Variants in CNDP2 observed in about 807,000 individuals in gnomAD.
CNDP2 encodes carnosine dipeptidase 2.
In CNDP2, 38 loss-of-function variants were observed where a neutral mutation model predicts 55.0. The observed-to-expected ratio is 0.69, with a 90% CI of 0.53 to 0.90. CNDP2 has a LOEUF of 0.90. CNDP2 is among the 40% of genes least tolerant of loss of function. The pLI, the probability that CNDP2 is intolerant of heterozygous loss-of-function variation, is 0.00. For synonymous variants in CNDP2, 241 were observed against 260.2 expected, an observed-to-expected ratio of 0.93 and a Z score of 0.71; for missense variants, 607 against 621.7, an observed-to-expected ratio of 0.98 and a Z score of 0.25.
chr18:74,518,428 G>A (rs1051357342), intron 9 of CNDP2, 71 bp from the exon 10 acceptor site: 71 of 1,582,308 alleles, frequency 4.5e-5, no homozygotes, highest in Middle Eastern at 3.3e-4. Flanking sequence ...TAGCAGACCC[G>A]TAGGTCACTA....
Position 74,522,138 on chromosome 18 carries a change from G to A in CNDP2, c.*2070G>A, listed in dbSNP as rs761448656. 3.3e-5 allele frequency: 5 copies of A among 152,248 alleles called. No homozygotes were observed. Among genetic ancestry groups the A allele is most frequent in the Non-Finnish European group, 7.3e-5 (5 of 68,046 alleles). The allele number at this position is 152,248 out of a possible 1,614,324, so 9.4% of individuals were successfully genotyped here. On this transcript the variant is annotated 3_prime_UTR_variant, in exon 12 of 12. Transcript: ENST00000324262. ...CTGCATAAGAGGTTAGCTGGGTGAA[G>A]TGTATCTGGGGACCCTCTATGGCTT...
intron 3 of CNDP2, 148 bp downstream of exon 3, chr18:74,501,620 A>G (rs1978706043): frequency 9.4e-7 from 1 of 1,061,300 alleles, no homozygotes; most frequent in Non-Finnish European, 1.3e-6. Flanking sequence ...TTTGGATGGT[A>G]AGTTCTGTAC....
chr18:74,499,590 A>C, intron 1 of CNDP2: 2 of 201,376 alleles, frequency 9.9e-6, no homozygotes, highest in Non-Finnish European at 1.0e-5. Flanking sequence ...TTAAGAGTGT[A>C]AAAATTTTTA....
intron 1 of CNDP2, among the ~76,000 whole-genome samples, 151 bp downstream of exon 1, chr18:74,496,582 T>C (rs2144562378): frequency 6.6e-6 from 1 of 152,246 alleles, no homozygotes; most frequent in Non-Finnish European, 1.5e-5. Context: ...AACAATGGTG[T>C]CCGGGCTGTT....
chr18:74,519,885 G>A (rs1355742238), intron 11 of CNDP2, 114 bp from the exon 12 acceptor site: 4 of 900,958 alleles, frequency 4.4e-6, no homozygotes, highest in East Asian at 2.7e-5. Context: ...AGCTGGGATG[G>A]GGGATGCTCC....
At chr18:74,506,346 G>A (rs531612125) in intron 4 of CNDP2, among the ~76,000 whole-genome samples, 126 of 152,078 alleles carry the variant, frequency 8.3e-4, no homozygotes, top group Non-Finnish European at 1.6e-3. Context: ...TGCTGGCCAG[G>A]CTGGTCTTGA....
At chr18:74,510,087 G>A (rs1402409923) in intron 5 of CNDP2, among the ~76,000 whole-genome samples, 1 of 152,242 alleles carries the variant, frequency 6.6e-6, no homozygotes, top group Non-Finnish European at 1.5e-5. Flanking sequence ...GCAACCAAGT[G>A]TGACAGGTGG....
intron 6 of CNDP2, chr18:74,511,336 A>C: frequency 3.4e-6 from 1 of 297,060 alleles, no homozygotes; most frequent in South Asian, 7.2e-5. Flanking sequence ...TTTTAGAAAC[A>C]CTTCCTTTTG....
chr18:74,516,018 GGT>G (rs2144610057), intron 8 of CNDP2, among the ~76,000 whole-genome samples: 1 of 152,342 alleles, frequency 6.6e-6, no homozygotes, highest in East Asian at 1.9e-4. Context: ...CTCACCTGAG[GGT>G]GTGCAGCCTG....
chr18:74,512,306 C>A, intron 6 of CNDP2, 142 bp from the exon 7 acceptor site: 1 of 651,640 alleles, frequency 1.5e-6, no homozygotes, highest in Non-Finnish European at 2.6e-6. Context: ...TTGGGAAATG[C>A]CTTGCTTTGC....
At position 74,516,337 on chromosome 18, in the gene CNDP2, G is replaced by T; in HGVS notation, c.1013G>T (p.Gly338Val). 1.9e-6 allele frequency: 3 copies of T among 1,614,096 alleles called. No individual in the cohort carries two copies. Among genetic ancestry groups the T allele is most frequent in the Non-Finnish European group, 2.5e-6 (3 of 1,179,994 alleles). Residue 338 changes from glycine (G) to valine (V), a missense_variant, in exon 9 of 12, where the codon GGC (glycine) becomes GTC (valine). Physicochemically the swap from Gly to Val is moderately radical, Grantham distance 109. Coordinates refer to ENST00000324262, the MANE Select transcript of CNDP2 (RefSeq NM_018235.3). ...ACCGTGATTCCCAGGAAGGTGGTTG[G>T]CAAGTTCTCCATCAGGCTCGTGCCG... ...AKTVIPRKVV[G>V]KFSIRLVPNM...
At chr18:74,518,454 C>T (rs751021642) in intron 9 of CNDP2, 45 bp from the exon 10 acceptor site, 1 of 1,609,918 alleles carries the variant, frequency 6.2e-7, no homozygotes, top group Non-Finnish European at 8.5e-7. Flanking sequence ...GGATCAAATG[C>T]AAGCTTATAA....
At chr18:74,501,253 TGGCAAC>T (rs1568276784) in intron 2 of CNDP2, 70 bp from the exon 3 acceptor site, 1 of 1,539,462 alleles carries the variant, frequency 6.5e-7, no homozygotes, top group Non-Finnish European at 8.8e-7. Flanking sequence ...GCCTGGAATG[TGGCAAC>T]GTTACGGGAG....
Position 74,518,941 on chromosome 18 carries a change from C to CA in CNDP2, c.1211-8_1211-7insA, listed in dbSNP as rs1979886267. 6.8e-7 allele frequency: 1 copy of CA among 1,475,758 alleles called. No individual in the cohort carries two copies. Among genetic ancestry groups the CA allele is most frequent in the Non-Finnish European group, 9.0e-7 (1 of 1,116,664 alleles). 91.4% of individuals were successfully genotyped at this position (1,475,758 alleles called of 1,614,324 possible). On this transcript the variant is annotated splice_region_variant and splice_polypyrimidine_tract_variant and intron_variant, in intron 10 of 11. Transcript: ENST00000324262. ...GCTCACCGTTTATTTTATTTCATTT[C>CA]CCCCCAGTTTTTGGTGTTGAGCCAG... is the stretch of plus-strand genomic sequence containing the variant.
intron 8 of CNDP2, among the ~76,000 whole-genome samples, chr18:74,514,180 G>C (rs569061956): frequency 6.6e-6 from 1 of 152,102 alleles, no homozygotes; most frequent in Non-Finnish European, 1.5e-5. Context: ...AGGGTTATGC[G>C]GTATAGATGT....
intron 8 of CNDP2, 36 bp downstream of exon 8, chr18:74,513,755 G>C: frequency 3.1e-6 from 5 of 1,599,394 alleles, no homozygotes; most frequent in Non-Finnish European, 3.4e-6. Context: ...ACCTGCCCAG[G>C]CCACGCTGTG....
chr18:74,516,496 C>T (rs368195115), intron 9 of CNDP2, 104 bp downstream of exon 9: 5 of 1,159,584 alleles, frequency 4.3e-6, no homozygotes, highest in Non-Finnish European at 5.9e-6. Flanking sequence ...GCCATGCATG[C>T]CCCCGCTTCC....
At chr18:74,518,750 GGGGGCGTGTAGTTAA>G in intron 10 of CNDP2, 110 bp downstream of exon 10, 1 of 1,492,382 alleles carries the variant, frequency 6.7e-7, no homozygotes, top group Non-Finnish European at 9.2e-7. Flanking sequence ...GCTGTATCGT[GGGGGCGTGTAGTTAA>G]GTCAGCATGA....
chr18:74,497,159 C>A (rs1313214791), intron 1 of CNDP2, among the ~76,000 whole-genome samples: 1 of 152,060 alleles, frequency 6.6e-6, no homozygotes, highest in Non-Finnish European at 1.5e-5. Flanking sequence ...TTCCGTAGAT[C>A]ATCCAAGCAT....
Sources: gnomAD v4.1 joint callset for allele counts (sites outside exome capture counted in the v4.1 genomes callset) on GRCh38, gnomAD v4.1.1 for gene constraint, MANE v1.5 for transcripts, NCBI Gene and HGNC (gene_info 2026-07-23, HGNC 2026-07-21) for gene names.